The following FHIT variants were observed in gnomAD, a reference collection of about 807,000 sequenced individuals.
The protein encoded by FHIT is bis(5'-adenosyl)-triphosphatase.
FHIT carries 19 observed loss-of-function variants against 17.9 expected under a neutral mutation model. The ratio of observed to expected loss-of-function variants is 1.06; its 90% CI spans 0.74 to 1.56. The LOEUF (loss-of-function observed/expected upper bound fraction) is 1.56, where lower values mean the gene tolerates loss of function less well. FHIT is among the 40% of genes most tolerant of loss of function. The pLI is 0.00. For synonymous variants in FHIT, 81 were observed against 69.7 expected (o/e 1.16, Z -0.81); for missense variants, 248 against 189.2 (o/e 1.31, Z -1.82).
intron 5 of FHIT, among the ~76,000 whole-genome samples, chr3:60,123,612 CAG>C (rs774775886): frequency 6.6e-6 from 1 of 151,982 alleles, no homozygotes; most frequent in African/African-American, 2.4e-5. Context: ...AATACCAACA[CAG>C]AGTCTTTTGA....
chr3:60,001,575 C>T (rs1380134325), intron 7 of FHIT, among the ~76,000 whole-genome samples: 1 of 152,114 alleles, frequency 6.6e-6, no homozygotes, highest in Non-Finnish European at 1.5e-5. Flanking sequence ...AAGCAGCTAC[C>T]TCACAGTGCT....
intron 3 of FHIT, among the ~76,000 whole-genome samples, chr3:60,876,178 A>G (rs1704645483): frequency 6.6e-6 from 1 of 152,152 alleles, no homozygotes; most frequent in Non-Finnish European, 1.5e-5. Flanking sequence ...ACCCTGAGAC[A>G]GATAAAAAAT....
intron 3 of FHIT, among the ~76,000 whole-genome samples, chr3:60,999,631 C>G (rs1322510522): frequency 6.6e-6 from 1 of 151,604 alleles, no homozygotes. Flanking sequence ...GAAACAGATT[C>G]CTCATGCATT....
chr3:60,707,621 T>TA (rs2041407224), intron 4 of FHIT, among the ~76,000 whole-genome samples: 1 of 152,198 alleles, frequency 6.6e-6, no homozygotes, highest in South Asian at 2.1e-4. Context: ...AGGTAGCAAT[T>TA]AGAGTCCAGC....
At chr3:60,362,310 C>G (rs1163775373) in intron 5 of FHIT, among the ~76,000 whole-genome samples, 1 of 152,196 alleles carries the variant, frequency 6.6e-6, no homozygotes, top group East Asian at 1.9e-4. Flanking sequence ...ACTTAGTAAT[C>G]CTATATATCT....
At chr3:60,615,441 C>A (rs1298554215) in intron 4 of FHIT, among the ~76,000 whole-genome samples, 1 of 152,138 alleles carries the variant, frequency 6.6e-6, no homozygotes, top group Non-Finnish European at 1.5e-5. Context: ...ATGACCAGTG[C>A]AAACCACCAG....
chr3:60,204,131 C>T (rs563133823), intron 5 of FHIT, among the ~76,000 whole-genome samples: 13 of 152,224 alleles, frequency 8.5e-5, no homozygotes, highest in African/African-American at 2.9e-4. Flanking sequence ...ATGGATACTG[C>T]ATTTACATTG....
At chr3:60,147,765 T>G (rs930929038) in intron 5 of FHIT, among the ~76,000 whole-genome samples, 5 of 152,184 alleles carry the variant, frequency 3.3e-5, no homozygotes, top group Non-Finnish European at 7.3e-5. Context: ...TGCAGTCAGC[T>G]GGAAACATAT....
chr3:60,285,516 A>G (rs1014555056), intron 5 of FHIT, among the ~76,000 whole-genome samples: 1 of 152,194 alleles, frequency 6.6e-6, no homozygotes, highest in Non-Finnish European at 1.5e-5. Flanking sequence ...TCACTTGTCT[A>G]CTTGGCTAAG....
intron 5 of FHIT, among the ~76,000 whole-genome samples, chr3:60,235,234 G>GTTTTTT (rs11441829): frequency 2.1e-5 from 3 of 143,084 alleles, no homozygotes; most frequent in Non-Finnish European, 1.5e-5. Flanking sequence ...TTTGTTTGTT[G>GTTTTTT]TTTTTTTTTT....
At chr3:60,605,201 CT>C (rs1179928479) in intron 4 of FHIT, among the ~76,000 whole-genome samples, 1 of 152,108 alleles carries the variant, frequency 6.6e-6, no homozygotes, top group Non-Finnish European at 1.5e-5. Flanking sequence ...ATAGCCACAG[CT>C]TTGGTTTGGT....
At chr3:61,166,367 G>A (rs565712221) in intron 2 of FHIT, among the ~76,000 whole-genome samples, 7 of 152,212 alleles carry the variant, frequency 4.6e-5, no homozygotes, top group South Asian at 4.2e-4. Flanking sequence ...TCTACTCCTC[G>A]TCTATACTTC....
chr3:60,115,544 G>T (rs1485626015), intron 5 of FHIT, among the ~76,000 whole-genome samples: 1 of 152,052 alleles, frequency 6.6e-6, no homozygotes, highest in Non-Finnish European at 1.5e-5. Context: ...AGGGAAAATT[G>T]GCCTACATAT....
chr3:60,093,457 C>A (rs552140203), intron 5 of FHIT, among the ~76,000 whole-genome samples: 10 of 152,316 alleles, frequency 6.6e-5, no homozygotes, highest in Admixed American at 6.5e-5. Flanking sequence ...TTAACATCAG[C>A]TATTGAGCAA....
intron 5 of FHIT, among the ~76,000 whole-genome samples, chr3:60,306,410 C>A (rs1708677695): frequency 6.6e-6 from 1 of 152,136 alleles, no homozygotes; most frequent in South Asian, 2.1e-4. Flanking sequence ...GGAGTCAAGG[C>A]TATGTGGAAT....
At chr3:60,839,094 C>T (rs1553744399) in intron 3 of FHIT, among the ~76,000 whole-genome samples, 1 of 152,070 alleles carries the variant, frequency 6.6e-6, no homozygotes, top group African/African-American at 2.4e-5. Flanking sequence ...GGGAAGGATG[C>T]TGGGCTAGAG....
intron 2 of FHIT, among the ~76,000 whole-genome samples, chr3:61,145,182 G>T (rs1001379396): frequency 6.6e-6 from 1 of 152,050 alleles, no homozygotes; most frequent in Non-Finnish European, 1.5e-5. Flanking sequence ...TTAAATTTAG[G>T]TCTATGATCC....
intron 3 of FHIT, among the ~76,000 whole-genome samples, chr3:60,982,579 C>T (rs577248200): frequency 1.3e-5 from 2 of 152,176 alleles, no homozygotes; most frequent in East Asian, 3.9e-4. Flanking sequence ...GCTCAGAATG[C>T]TCTCCCTCCT....
chr3:59,842,553 A>G (rs907535177), intron 8 of FHIT, among the ~76,000 whole-genome samples: 4 of 152,092 alleles, frequency 2.6e-5, no homozygotes, highest in Admixed American at 6.6e-5. Context: ...ATGAGTTCCA[A>G]TTTCTCCATA....
Sources: gnomAD v4.1 joint callset for allele counts (sites outside exome capture counted in the v4.1 genomes callset) on GRCh38, gnomAD v4.1.1 for gene constraint, MANE v1.5 for transcripts, NCBI Gene and HGNC (gene_info 2026-07-23, HGNC 2026-07-21) for gene names.